Variants in TLCD4 observed in about 807,000 individuals in gnomAD.
TLCD4 encodes TLC domain-containing protein 4.
A neutral mutation model predicts 24.2 loss-of-function variants in TLCD4; 7 were observed. The observed-to-expected ratio is 0.29, with a 90% CI of 0.16 to 0.54. The LOEUF (loss-of-function observed/expected upper bound fraction) is 0.54, where lower values mean the gene tolerates loss of function less well. Ranked by LOEUF, TLCD4 falls within the 20% of genes least tolerant of loss-of-function variation. The pLI is 0.95. For synonymous variants in TLCD4, 103 were observed against 106.4 expected (o/e 0.97, Z 0.20); for missense variants, 259 against 313.9 (o/e 0.82, Z 1.32).
the TLCD4 span, among the ~76,000 whole-genome samples, chr1:95,106,744 A>C: frequency 6.6e-6 from 1 of 152,324 alleles, no homozygotes; most frequent in African/African-American, 2.4e-5. Flanking sequence ...AAAAATTATT[A>C]ATATATTGCA....
intron 5 of TLCD4, among the ~76,000 whole-genome samples, chr1:95,158,651 G>A (rs1353037522): frequency 1.3e-5 from 2 of 149,042 alleles, no homozygotes; most frequent in African/African-American, 2.5e-5. Flanking sequence ...AATGCTGTCC[G>A]TCCCCCCTCC....
At chr1:95,142,406 A>G (rs1677228068) in intron 1 of TLCD4, among the ~76,000 whole-genome samples, 1 of 150,718 alleles carries the variant, frequency 6.6e-6, no homozygotes, top group South Asian at 2.1e-4. Flanking sequence ...TTGTGCAGTG[A>G]CGGTGTTAGC....
the TLCD4 span, among the ~76,000 whole-genome samples, chr1:95,104,596 G>A: frequency 7.6e-5 from 11 of 144,816 alleles, no homozygotes; most frequent in Non-Finnish European, 1.3e-4. Context: ...ACTCCGGGGG[G>A]CGGAGCCTGC....
chr1:95,164,478 C>T (rs1443605921), intron 5 of TLCD4: 1 of 152,278 alleles, frequency 6.6e-6, no homozygotes, highest in African/African-American at 2.4e-5. Flanking sequence ...CCTGCTTCGG[C>T]TCACACTCTG....
upstream of TLCD4, among the ~76,000 whole-genome samples, chr1:95,115,913 C>T (rs181885282): frequency 1.3e-3 from 194 of 152,254 alleles, no homozygotes; most frequent in East Asian, 0.024. Context: ...ATATAACCAT[C>T]CTGCCCACAG....
Position 95,123,053 on chromosome 1 carries a change from C to T in TLCD4, c.-12+5436C>T, listed in dbSNP as rs529829694. ...TGAACTCCTGGGCTCAAGTGAGTCTCCTGCCTTGGTATCCCAAAGTGCTGG... is the reference window on the plus strand; with the variant it reads ...TGAACTCCTGGGCTCAAGTGAGTCTTCTGCCTTGGTATCCCAAAGTGCTGG... On this transcript the variant is annotated intron_variant, in intron 1 of 6. Coordinates refer to ENST00000370203, the MANE Select transcript of TLCD4 (RefSeq NM_152487.3). Among the ~76,000 whole-genome samples, 3 of 152,092 alleles carry T rather than the reference C, an allele frequency of 2.0e-5. No individual in the cohort carries two copies. In the East Asian group the frequency reaches 5.8e-4, roughly 29 times the overall value.
rs540387725 is a variant in TLCD4 at position 95,169,727 on chromosome 1, A to G, written c.400-4089A>G. 2.0e-5 allele frequency among the ~76,000 whole-genome samples: 3 copies of G among 152,278 alleles called. No individual in the cohort carries two copies. In the South Asian group the frequency reaches 6.2e-4, roughly 32 times the overall value. ...GTTTTGCTGTGTCACCTAGGCTGGT[A>G]TGCAGTAGTGTGATCACAGCTCACA... is the stretch of plus-strand genomic sequence containing the variant. On this transcript the variant is annotated intron_variant, in intron 5 of 6. Transcript: ENST00000370203.
chr1:95,127,312 C>T (rs1226861113), intron 1 of TLCD4, among the ~76,000 whole-genome samples: 1 of 152,182 alleles, frequency 6.6e-6, no homozygotes, highest in East Asian at 1.9e-4. Context: ...AAAAAGAAGG[C>T]AGCAGGCAAA....
rs184568397 is a variant in TLCD4, at chr1:95,148,878, A to G, written c.245+87A>G. ...AAGAACATCACTTACTTTAAAACAGAAAACATATTGATCGTATATGCCTTA... is the reference window on the plus strand; with the variant it reads ...AAGAACATCACTTACTTTAAAACAGGAAACATATTGATCGTATATGCCTTA... On this transcript the variant is annotated intron_variant, in intron 3 of 6. Coordinates refer to ENST00000370203, the MANE Select transcript of TLCD4 (RefSeq NM_152487.3). The G allele has an allele frequency of 9.0e-5, 137 of 1,517,790 alleles. No individual in the cohort carries two copies. In the East Asian group the frequency reaches 1.3e-3, roughly 15 times the overall value. The allele number at this position is 1,517,790 out of a possible 1,614,324, so 94.0% of individuals were successfully genotyped here.
At chr1:95,184,206 A>G (rs979626769) in intron 6 of TLCD4, among the ~76,000 whole-genome samples, 2 of 152,206 alleles carry the variant, frequency 1.3e-5, no homozygotes, top group East Asian at 3.9e-4. Context: ...CACTTCTTAA[A>G]ATTCTCTTCA....
chr1:95,106,471 C>A, the TLCD4 span, among the ~76,000 whole-genome samples: 1 of 152,050 alleles, frequency 6.6e-6, no homozygotes, highest in East Asian at 1.9e-4. Flanking sequence ...CAGGCCGAGG[C>A]GGGTGGATTG....
intron 1 of TLCD4, among the ~76,000 whole-genome samples, chr1:95,139,455 AT>A (rs200337389): frequency 0.013 from 1,243 of 93,922 alleles, 15 homozygotes; most frequent in African/African-American, 0.048. Context: ...TAAACCTTTG[AT>A]TTTTTTTTTT....
At chr1:95,174,064 A>G (rs1188710175) in intron 6 of TLCD4, 175 bp downstream of exon 6, 2 of 937,016 alleles carry the variant, frequency 2.1e-6, no homozygotes, top group Non-Finnish European at 3.1e-6. Flanking sequence ...AGAGTAACTT[A>G]CCCAAGTTTC....
chr1:95,142,492 C>T (rs1043197449), intron 1 of TLCD4, among the ~76,000 whole-genome samples: 2 of 152,014 alleles, frequency 1.3e-5, no homozygotes, highest in African/African-American at 4.8e-5. Flanking sequence ...AGGAATGAAG[C>T]AATGAAAGTA....
rs532131863 is a variant in TLCD4 at position 95,137,565 on chromosome 1, G to A, written c.-11-6326G>A. On this transcript the variant is annotated intron_variant, in intron 1 of 6. Transcript: ENST00000370203. ...GAAATGAGTGAGTGATCGTGTTTTGGTGGGGAGGGGCTGGTAATCCTAACC... is the reference window on the plus strand; with the variant it reads ...GAAATGAGTGAGTGATCGTGTTTTGATGGGGAGGGGCTGGTAATCCTAACC... 1.3e-3 allele frequency among the ~76,000 whole-genome samples: 193 copies of A among 152,226 alleles called. 1 individual carries two copies. The highest frequency in any genetic ancestry group is 4.3e-3 in the African/African-American group (179 of 41,526).
intron 6 of TLCD4, among the ~76,000 whole-genome samples, chr1:95,188,896 T>C (rs1020052189): frequency 6.6e-6 from 1 of 152,180 alleles, no homozygotes; most frequent in African/African-American, 2.4e-5. Context: ...CCATGTATGC[T>C]CATTGTTACT....
At chr1:95,095,361 C>T in the TLCD4 span, among the ~76,000 whole-genome samples, 1 of 152,110 alleles carries the variant, frequency 6.6e-6, no homozygotes, top group South Asian at 2.1e-4. Context: ...TGTTCTGTTT[C>T]TCGGCACATT....
chr1:95,156,366 A>G (rs1677636152), intron 5 of TLCD4, among the ~76,000 whole-genome samples: 1 of 152,100 alleles, frequency 6.6e-6, no homozygotes, highest in Non-Finnish European at 1.5e-5. Context: ...GTGTCAGGGT[A>G]TGGGATTTGT....
chr1:95,150,889 T>C (rs535761167), intron 4 of TLCD4, among the ~76,000 whole-genome samples: 38 of 152,144 alleles, frequency 2.5e-4, no homozygotes, highest in Non-Finnish European at 4.4e-4. Flanking sequence ...TTTAAAATTA[T>C]TTCTATTCAA....
Sources: gnomAD v4.1 joint callset for allele counts (sites outside exome capture counted in the v4.1 genomes callset) on GRCh38, gnomAD v4.1.1 for gene constraint, MANE v1.5 for transcripts, NCBI Gene and HGNC (gene_info 2026-07-23, HGNC 2026-07-21) for gene names.